PPM1H: variants seen among roughly 807,000 people sequenced by gnomAD.
PPM1H encodes protein phosphatase 1H.
In PPM1H, 27 loss-of-function variants were observed where a neutral mutation model predicts 54.9. The observed-to-expected ratio is 0.49, with a 90% CI of 0.36 to 0.68. PPM1H has a LOEUF of 0.68. Among genes scored for constraint, PPM1H ranks in the 30% least tolerant of loss-of-function variants. PPM1H has a pLI of 0.00. For missense variants in PPM1H, 596 were observed against 667.8 expected, an observed-to-expected ratio of 0.89 and a Z score of 1.19; for synonymous variants, 305 against 270.8, an observed-to-expected ratio of 1.13 and a Z score of -1.24.
Position 62,801,904 on chromosome 12 carries a change from C to T in PPM1H, c.668G>A (p.Ser223Asn). Residue 223 changes from serine to asparagine, a missense_variant, in exon 3 of 10, where the codon AGC becomes AAC. Around this residue, in one of 3 missense-constraint regions of PPM1H, gnomAD observed 382 missense variants for 387.1 expected, o/e 0.99. Transcript: ENST00000228705. ...GGTAAAGAAGCGTGTGGGGGGCGTG[C>T]TGGGGGAGCCCGGGGCCCCCACCCC... The part of the protein sequence containing the change: ...RGGVGAPGSP[S>N]TPPTRFFTEK... 1 of 1,613,632 alleles carries T rather than the reference C, an allele frequency of 6.2e-7. No individual in the cohort carries two copies. The highest frequency in any genetic ancestry group is 8.5e-7 in the Non-Finnish European group (1 of 1,179,692).
At chr12:62,661,484 T>C (rs533352803) in intron 9 of PPM1H, among the ~76,000 whole-genome samples, 1 of 152,326 alleles carries the variant, frequency 6.6e-6, no homozygotes, top group East Asian at 1.9e-4. Context: ...CACTGCAACC[T>C]CGACTTGCCA....
At chr12:62,750,586 A>G (rs539281438) in intron 4 of PPM1H, among the ~76,000 whole-genome samples, 22 of 152,304 alleles carry the variant, frequency 1.4e-4, no homozygotes, top group South Asian at 6.2e-4. Context: ...ATTTGTGTAC[A>G]AGTTTTTGTG....
chr12:62,808,198 T>A (rs1418092343), intron 2 of PPM1H, among the ~76,000 whole-genome samples: 3 of 152,208 alleles, frequency 2.0e-5, no homozygotes, highest in Non-Finnish European at 4.4e-5. Flanking sequence ...AAATATGAAC[T>A]CGTTTAATCC....
chr12:62,764,446 T>G (rs969224748), intron 4 of PPM1H, among the ~76,000 whole-genome samples: 10 of 152,216 alleles, frequency 6.6e-5, no homozygotes, highest in African/African-American at 2.4e-4. Flanking sequence ...TCTGTGCATA[T>G]GGAAGGCTCA....
intron 9 of PPM1H, 35 bp downstream of exon 9, chr12:62,667,143 G>C: frequency 6.6e-7 from 1 of 1,513,354 alleles, no homozygotes; most frequent in Admixed American, 1.9e-5. Context: ...AAGAATGCTT[G>C]AGGAACAACC....
chr12:62,698,972 A>G (rs977968846), intron 6 of PPM1H, among the ~76,000 whole-genome samples: 2 of 152,154 alleles, frequency 1.3e-5, no homozygotes, highest in East Asian at 1.9e-4. Flanking sequence ...TGTCTATGCT[A>G]TATCATGTTA....
chr12:62,801,398 A>G (rs575439060), intron 3 of PPM1H, among the ~76,000 whole-genome samples: 113 of 152,016 alleles, frequency 7.4e-4, no homozygotes, highest in Middle Eastern at 3.4e-3. Context: ...GCTCACTGCA[A>G]TCTCTGTCTC....
intron 4 of PPM1H, among the ~76,000 whole-genome samples, chr12:62,763,435 T>C (rs2076522587): frequency 6.6e-6 from 1 of 152,238 alleles, no homozygotes; most frequent in South Asian, 2.1e-4. Flanking sequence ...GCAGAGGTCC[T>C]GATTTCAGAT....
chr12:62,730,741 C>T (rs17098238), intron 5 of PPM1H, among the ~76,000 whole-genome samples: 1 of 152,042 alleles, frequency 6.6e-6, no homozygotes, highest in South Asian at 2.1e-4. Flanking sequence ...GGATTGGAAG[C>T]CTTGCAATTC....
intron 8 of PPM1H, among the ~76,000 whole-genome samples, chr12:62,676,356 G>A (rs2075986130): frequency 6.6e-6 from 1 of 152,200 alleles, no homozygotes; most frequent in Non-Finnish European, 1.5e-5. Flanking sequence ...AGCAGGGGTG[G>A]CACAGCCAGT....
At chr12:62,843,240 C>A (rs1362865762) in intron 1 of PPM1H, among the ~76,000 whole-genome samples, 3 of 152,108 alleles carry the variant, frequency 2.0e-5, no homozygotes, top group Non-Finnish European at 2.9e-5. Flanking sequence ...TGCTTGGAAC[C>A]CCGGAGGTGG....
chr12:62,839,249 C>T (rs530938994), intron 1 of PPM1H, among the ~76,000 whole-genome samples: 7 of 150,714 alleles, frequency 4.6e-5, no homozygotes, highest in Non-Finnish European at 8.8e-5. Context: ...TCTTCTGGCT[C>T]CCAGGCTCTG....
chr12:62,806,510 C>G (rs896176985), intron 2 of PPM1H, among the ~76,000 whole-genome samples: 2 of 152,102 alleles, frequency 1.3e-5, no homozygotes, highest in Non-Finnish European at 2.9e-5. Context: ...AATCTCAGGT[C>G]GAATTGTGAT....
chr12:62,838,345 G>T (rs560089154), intron 1 of PPM1H, among the ~76,000 whole-genome samples: 3 of 143,332 alleles, frequency 2.1e-5, no homozygotes, highest in Non-Finnish European at 4.6e-5. Flanking sequence ...GTGTGGGGGG[G>T]GGGAGATGAA....
intron 7 of PPM1H, among the ~76,000 whole-genome samples, chr12:62,690,173 G>A (rs987343911): frequency 1.3e-5 from 2 of 151,660 alleles, no homozygotes; most frequent in Admixed American, 6.6e-5. Context: ...AGGATTGATC[G>A]ATCCATCCAT....
At chr12:62,869,424 G>T (rs1869899960) in intron 1 of PPM1H, among the ~76,000 whole-genome samples, 1 of 152,154 alleles carries the variant, frequency 6.6e-6, no homozygotes, top group South Asian at 2.1e-4. Context: ...TTTTATAGAT[G>T]TGCAAACTGA....
chr12:62,757,981 T>C (rs1482742282), intron 4 of PPM1H, among the ~76,000 whole-genome samples: 1 of 152,202 alleles, frequency 6.6e-6, no homozygotes, highest in Non-Finnish European at 1.5e-5. Flanking sequence ...TAGAAGGAAT[T>C]AGAAAGCGCA....
In PPM1H at chr12:62,849,288, G is replaced by A. The variant is rs1373727132; in HGVS notation, c.246-17009C>T. On this transcript the variant is annotated intron_variant, in intron 1 of 9. Transcript: ENST00000228705. ...AACACACTTTTACTAGAAAGAAAAA[G>A]GACTGAAATAACACTTGTAAATACT... is the stretch of plus-strand genomic sequence containing the variant. Among the ~76,000 whole-genome samples, 3 of 152,112 alleles carry A rather than the reference G, an allele frequency of 2.0e-5. No homozygotes were observed. In the East Asian group the frequency reaches 5.8e-4, roughly 29 times the overall value.
chr12:62,805,160 A>C (rs557032946), intron 2 of PPM1H, among the ~76,000 whole-genome samples: 15 of 152,326 alleles, frequency 9.8e-5, no homozygotes, highest in African/African-American at 2.9e-4. Flanking sequence ...CAAAACCACA[A>C]TGAGATAGCA....
Sources: gnomAD v4.1 joint callset for allele counts (sites outside exome capture counted in the v4.1 genomes callset) on GRCh38, gnomAD v4.1.1 for gene constraint, gnomAD v4.1.1 regional missense constraint, MANE v1.5 for transcripts, NCBI Gene and HGNC (gene_info 2026-07-23, HGNC 2026-07-21) for gene names.